PDE4D: variants seen among roughly 807,000 people sequenced by gnomAD.
PDE4D encodes 3',5'-cyclic-AMP phosphodiesterase 4D.
PDE4D carries 24 observed loss-of-function variants against 87.4 expected under a neutral mutation model. That is an observed-to-expected ratio of 0.27 (90% confidence interval 0.20 to 0.39). PDE4D has a LOEUF of 0.39. PDE4D is among the 10% of genes least tolerant of loss of function. The probability of loss-of-function intolerance (pLI) is 1.00; values close to 1 mark genes in which losing one functional copy is unlikely to be tolerated. For synonymous variants in PDE4D, 384 were observed against 383.2 expected, an observed-to-expected ratio of 1.00 and a Z score of -0.02; for missense variants, 714 against 1,041.0, an observed-to-expected ratio of 0.69 and a Z score of 4.32.
intron 3 of PDE4D, among the ~76,000 whole-genome samples, chr5:59,953,190 T>C (rs955769229): frequency 2.0e-5 from 3 of 152,114 alleles, no homozygotes; most frequent in Admixed American, 1.3e-4. Flanking sequence ...TAGCCACTTA[T>C]GTAGAAATGT....
rs557860788 is a variant in PDE4D, at chr5:59,331,511, A to G, written c.456-115543T>C. On this transcript the variant is annotated intron_variant, in intron 1 of 14. Transcript: ENST00000340635. ...AGGCTCAATCTTCAAATAAAGCCAC[A>G]TTCTGAGGTCCTAGGTTAGGACTTC... Among the ~76,000 whole-genome samples, 6 of 152,340 alleles carry G rather than the reference A, an allele frequency of 3.9e-5. No homozygotes were observed. The East Asian group carries it at 9.6e-4, about 24-fold the overall frequency.
At chr5:60,266,360 A>G (rs1750212233) in intron 1 of PDE4D, among the ~76,000 whole-genome samples, 1 of 152,230 alleles carries the variant, frequency 6.6e-6, no homozygotes, top group Non-Finnish European at 1.5e-5. Context: ...TAATTTTTAT[A>G]AAGAAGGAAA....
intron 3 of PDE4D, among the ~76,000 whole-genome samples, chr5:59,985,840 T>C (rs1164175973): frequency 6.6e-6 from 1 of 152,240 alleles, no homozygotes; most frequent in African/African-American, 2.4e-5. Context: ...TCAGCCCATC[T>C]GTATACATGA....
intron 2 of PDE4D, among the ~76,000 whole-genome samples, chr5:60,152,288 C>G (rs192403319): frequency 9.9e-5 from 15 of 152,040 alleles, no homozygotes; most frequent in African/African-American, 3.6e-4. Context: ...GGAAGTGTTC[C>G]CTCTTCTTCA....
At chr5:59,170,940 G>A (rs1329613461) in intron 5 of PDE4D, among the ~76,000 whole-genome samples, 1 of 148,988 alleles carries the variant, frequency 6.7e-6, no homozygotes, top group East Asian at 2.0e-4. Context: ...AGAGTGCAAT[G>A]GTGCCATCTC....
At chr5:59,673,978 T>C (rs898792658) in intron 1 of PDE4D, among the ~76,000 whole-genome samples, 1 of 152,154 alleles carries the variant, frequency 6.6e-6, no homozygotes, top group African/African-American at 2.4e-5. Context: ...TTAATGAAGT[T>C]TTTGAAACAA....
chr5:59,126,680 A>G (rs1775450196), intron 5 of PDE4D, among the ~76,000 whole-genome samples: 1 of 152,128 alleles, frequency 6.6e-6, no homozygotes, highest in African/African-American at 2.4e-5. Context: ...TTCCTGCCAG[A>G]TTTTGCTTTA....
At chr5:60,228,197 TTATAAC>T (rs1393306018) in intron 1 of PDE4D, among the ~76,000 whole-genome samples, 1 of 152,110 alleles carries the variant, frequency 6.6e-6, no homozygotes. Context: ...ATAATATAGT[TTATAAC>T]TATAAACACA....
At chr5:59,167,421 C>T (rs189061207) in intron 5 of PDE4D, among the ~76,000 whole-genome samples, 1 of 152,294 alleles carries the variant, frequency 6.6e-6, no homozygotes, top group Admixed American at 6.5e-5. Flanking sequence ...TCTTACTTGT[C>T]ATTCAACTCT....
At chr5:59,273,554 G>C (rs1429216162) in intron 1 of PDE4D, among the ~76,000 whole-genome samples, 3 of 151,238 alleles carry the variant, frequency 2.0e-5, no homozygotes, top group Non-Finnish European at 4.4e-5. Flanking sequence ...ATATACCCAA[G>C]CGGTTATATT....
intron 5 of PDE4D, among the ~76,000 whole-genome samples, chr5:59,134,852 G>A (rs1038080): frequency 0.88 from 133,290 of 152,198 alleles, 58,762 homozygotes; most frequent in African/African-American, 0.92. Flanking sequence ...GGCTCCAAAT[G>A]TATGAGCTCT....
chr5:60,055,773 T>C (rs190690767), intron 2 of PDE4D, among the ~76,000 whole-genome samples: 1 of 152,244 alleles, frequency 6.6e-6, no homozygotes, highest in Non-Finnish European at 1.5e-5. Flanking sequence ...GCAGTCTGAC[T>C]TTAGAGCCTA....
chr5:60,159,062 T>C (rs563661590), intron 2 of PDE4D, among the ~76,000 whole-genome samples: 1 of 152,260 alleles, frequency 6.6e-6, no homozygotes, highest in African/African-American at 2.4e-5. Flanking sequence ...ATTCTGTAAG[T>C]TTTTTCTAGC....
chr5:60,255,804 C>CACAACA (rs71606627), intron 1 of PDE4D, among the ~76,000 whole-genome samples: 32 of 151,162 alleles, frequency 2.1e-4, no homozygotes, highest in South Asian at 2.1e-4. Context: ...ACTCTATCTC[C>CACAACA]ACAACAACAA....
At chr5:60,436,136 T>C (rs1177433918) in intron 1 of PDE4D, among the ~76,000 whole-genome samples, 1 of 152,120 alleles carries the variant, frequency 6.6e-6, no homozygotes, top group African/African-American at 2.4e-5. Context: ...TGCTGAATAT[T>C]GATAATTTGT....
intron 5 of PDE4D, among the ~76,000 whole-genome samples, chr5:59,067,280 G>T (rs982602869): frequency 6.6e-6 from 1 of 151,980 alleles, no homozygotes; most frequent in African/African-American, 2.4e-5. Flanking sequence ...GCCTCCCAAA[G>T]TGCTGGGATT....
At chr5:59,572,265 T>TA in intron 1 of PDE4D, among the ~76,000 whole-genome samples, 1 of 152,214 alleles carries the variant, frequency 6.6e-6, no homozygotes, top group East Asian at 1.9e-4. Flanking sequence ...AATCTAGTGC[T>TA]ATAATGGGCT....
chr5:58,984,393 T>G (rs1351699923), intron 11 of PDE4D, among the ~76,000 whole-genome samples: 2 of 152,244 alleles, frequency 1.3e-5, no homozygotes, highest in Non-Finnish European at 2.9e-5. Flanking sequence ...TGTCCACCCA[T>G]GTGTCCTAAG....
chr5:60,177,824 A>G (rs1784054731), intron 2 of PDE4D, among the ~76,000 whole-genome samples: 1 of 152,172 alleles, frequency 6.6e-6, no homozygotes, highest in Non-Finnish European at 1.5e-5. Context: ...AAAGTCATGT[A>G]ACGGTAAGAA....
Sources: allele counts gnomAD v4.1 joint callset (sites outside exome capture counted in the v4.1 genomes callset), GRCh38; gene constraint gnomAD v4.1.1; transcripts MANE v1.5; gene names NCBI Gene and HGNC (gene_info 2026-07-23, HGNC 2026-07-21).